The following SPI1 variants were observed in gnomAD, a reference collection of about 807,000 sequenced individuals.
SPI1 encodes transcription factor PU.1.
A neutral mutation model predicts 30.7 loss-of-function variants in SPI1; 3 were observed. That is an observed-to-expected ratio of 0.10 (90% CI 0.04 to 0.25). SPI1 has a LOEUF of 0.25. Ranked by LOEUF, SPI1 falls within the 10% of genes least tolerant of loss-of-function variation. The probability of loss-of-function intolerance (pLI) is 1.00; values close to 1 mark genes in which losing one functional copy is unlikely to be tolerated. For missense variants in SPI1, 261 were observed against 371.5 expected, an observed-to-expected ratio of 0.70 and a Z score of 2.45; for synonymous variants, 169 against 157.1, an observed-to-expected ratio of 1.08 and a Z score of -0.56.
At chr11:47,377,562 T>A (rs958833611) in intron 1 of SPI1, among the ~76,000 whole-genome samples, 1 of 151,926 alleles carries the variant, frequency 6.6e-6, no homozygotes, top group Non-Finnish European at 1.5e-5. Context: ...CCTGTCCTTG[T>A]CCCAGCCTCA....
intron 2 of SPI1, among the ~76,000 whole-genome samples, chr11:47,368,662 G>C (rs1329510188): frequency 6.6e-6 from 1 of 152,194 alleles, no homozygotes; most frequent in African/African-American, 2.4e-5. Context: ...CTAAATGAAG[G>C]CATAAAAGAA....
intron 4 of SPI1, 76 bp downstream of exon 4, chr11:47,358,768 A>T (rs1595856686): frequency 7.0e-7 from 1 of 1,435,090 alleles, no homozygotes; most frequent in African/African-American, 1.4e-5. Flanking sequence ...CTGCTGGGTC[A>T]GTTGGCCTGG....
intron 2 of SPI1, among the ~76,000 whole-genome samples, chr11:47,367,995 C>T (rs1370787106): frequency 2.6e-5 from 4 of 151,954 alleles, no homozygotes; most frequent in East Asian, 1.9e-4. Flanking sequence ...CCTTGTGATC[C>T]GCCTGCCTCA....
At chr11:47,356,829 G>C (rs369181021) in intron 4 of SPI1, among the ~76,000 whole-genome samples, 4 of 141,270 alleles carry the variant, frequency 2.8e-5, no homozygotes, top group African/African-American at 1.1e-4. Context: ...CACATCTCAC[G>C]TTACTCAGCC....
At position 47,375,795 on chromosome 11, in the gene SPI1, C is replaced by T. The variant is rs1471518133; in HGVS notation, c.46-66G>A. ...AGACCCCAGCCAGGCCTGCAGCACCCCCGCACGCTGGGTCCCCATCACCTT... is the reference window on the plus strand; with the variant it reads ...AGACCCCAGCCAGGCCTGCAGCACCTCCGCACGCTGGGTCCCCATCACCTT... On this transcript the variant is annotated intron_variant, in intron 1 of 4. Transcript: ENST00000378538. This position sits in a 1 kb window ranked among gnomAD's most constrained non-coding sequence, Gnocchi z 4.2. The T allele has an allele frequency of 2.4e-5, 32 of 1,307,652 alleles. No individual in the cohort carries two copies. Among genetic ancestry groups the T allele is most frequent in the Non-Finnish European group, 3.4e-5 (31 of 902,798 alleles). The allele number at this position is 1,307,652 out of a possible 1,614,324, so 81.0% of individuals were successfully genotyped here.
Position 47,359,858 on chromosome 11 carries a change from G to T in SPI1, c.325C>A (p.His109Asn). 1 of 1,604,862 alleles carries T rather than the reference G, an allele frequency of 6.2e-7. No individual in the cohort carries two copies. ...PMVPPHPSLG[H>N]QVSYLPRMCL... ...GGGCAGGCGGTGGCATGCACCTGGTGGCCAAGACTGGGATGGGGTGGCACC... is the reference window on the plus strand; with the variant it reads ...GGGCAGGCGGTGGCATGCACCTGGTTGCCAAGACTGGGATGGGGTGGCACC... The change falls in exon 3 of 5, where the codon CAC becomes AAC. Residue 109 changes from histidine to asparagine, a missense_variant. Physicochemically the swap from His to Asn is moderately conservative, Grantham distance 68. Coordinates refer to ENST00000378538, the MANE Select transcript of SPI1 (RefSeq NM_003120.3). The surrounding 1 kb of genome is among the most constrained non-coding windows in gnomAD (Gnocchi z 5.1).
At position 47,374,050 on chromosome 11, in the gene SPI1, A is replaced by C. The variant is rs1484272417; in HGVS notation, c.142+1583T>G. Among the ~76,000 whole-genome samples the C allele has an allele frequency of 6.6e-6, 1 of 152,174 alleles. No homozygotes were observed. The highest frequency in any genetic ancestry group is 1.9e-4 in the East Asian group (1 of 5,190). ...GCCAGGGAGAATGCGTCCTTGTTGG[A>C]GGAGGCCTGACAGCACTGTCTGTGG... On this transcript the variant is annotated intron_variant, in intron 2 of 4. Coordinates refer to ENST00000378538, the MANE Select transcript of SPI1 (RefSeq NM_003120.3). This position sits in a 1 kb window ranked among gnomAD's most constrained non-coding sequence, Gnocchi z 4.5.
chr11:47,358,803 C>A (rs1281991770), intron 4 of SPI1, 41 bp downstream of exon 4: 4 of 1,543,412 alleles, frequency 2.6e-6, no homozygotes, highest in Admixed American at 3.9e-5. Flanking sequence ...GGCACAGACA[C>A]GGCCAGGGTC....
chr11:47,355,768 G>A (rs1323228141), intron 4 of SPI1, among the ~76,000 whole-genome samples: 3 of 118,550 alleles, frequency 2.5e-5, no homozygotes, highest in Non-Finnish European at 5.3e-5. Flanking sequence ...TCACACCCAC[G>A]CACTCACCCC....
At chr11:47,355,662 G>T in intron 4 of SPI1, 116 bp from the exon 5 acceptor site, 2 of 859,316 alleles carry the variant, frequency 2.3e-6, no homozygotes, top group South Asian at 1.8e-5. Context: ...GCAGGGGAAC[G>T]GCTGCCCCAG....
At chr11:47,377,226 G>A (rs189634524) in intron 1 of SPI1, among the ~76,000 whole-genome samples, 61 of 152,310 alleles carry the variant, frequency 4.0e-4, no homozygotes, top group Non-Finnish European at 7.1e-4. Context: ...GGCTCTGGTC[G>A]GGTTGGTGTG....
At chr11:47,378,168 G>T in intron 1 of SPI1, 141 bp downstream of exon 1, 1 of 919,450 alleles carries the variant, frequency 1.1e-6, no homozygotes, top group East Asian at 2.6e-5. Context: ...TGGGTCTCAG[G>T]CCAGGAGTTC....
chr11:47,360,749 C>T (rs1277737244), intron 2 of SPI1, among the ~76,000 whole-genome samples: 3 of 150,582 alleles, frequency 2.0e-5, no homozygotes, highest in Non-Finnish European at 3.0e-5. Context: ...CGCTTGAACC[C>T]GAGAGGTGGA....
chr11:47,359,838 G>A lies in SPI1; in HGVS notation c.330+15C>T. ...TGGCAGTCTCCTGGGGGACGGGGCA[G>A]GCGGTGGCATGCACCTGGTGGCCAA... On this transcript the variant is annotated intron_variant, in intron 3 of 4. Coordinates refer to ENST00000378538, the MANE Select transcript of SPI1 (RefSeq NM_003120.3). The surrounding 1 kb of genome is among the most constrained non-coding windows in gnomAD (Gnocchi z 5.1). 6.2e-7 allele frequency: 1 copy of A among 1,601,696 alleles called. No individual in the cohort carries two copies. The highest frequency in any genetic ancestry group is 8.5e-7 in the Non-Finnish European group (1 of 1,179,506).
At chr11:47,371,847 C>T (rs1322990406) in intron 2 of SPI1, among the ~76,000 whole-genome samples, 1 of 152,162 alleles carries the variant, frequency 6.6e-6, no homozygotes, top group Admixed American at 6.5e-5. Context: ...GCAGCTGACC[C>T]CTTTGGCTTC....
chr11:47,368,220 C>G (rs140541052), intron 2 of SPI1, among the ~76,000 whole-genome samples: 1,622 of 152,172 alleles, frequency 0.011, 19 homozygotes, highest in Middle Eastern at 0.024. Flanking sequence ...CAAAAATTAC[C>G]CGGGCATAGT....
At chr11:47,357,061 TCA>T (rs971826262) in intron 4 of SPI1, among the ~76,000 whole-genome samples, 1 of 150,476 alleles carries the variant, frequency 6.6e-6, no homozygotes, top group African/African-American at 2.5e-5. Context: ...AAACTCATGC[TCA>T]CACACATGCT....
chr11:47,358,741 G>A (rs985810906), intron 4 of SPI1, 103 bp downstream of exon 4: 34 of 1,147,520 alleles, frequency 3.0e-5, no homozygotes, highest in Admixed American at 4.0e-5. Flanking sequence ...ACACACACAC[G>A]CGACTCGGTG....
intron 2 of SPI1, 68 bp from the exon 3 acceptor site, chr11:47,360,108 A>G (rs1256139804): frequency 1.5e-6 from 2 of 1,317,230 alleles, no homozygotes; most frequent in Non-Finnish European, 1.0e-6. Flanking sequence ...GGTTATAGTA[A>G]CATTAAATAA....
Sources: gnomAD v4.1 joint callset for allele counts (sites outside exome capture counted in the v4.1 genomes callset) on GRCh38, gnomAD v4.1.1 for gene constraint, Gnocchi (gnomAD v3.1) non-coding constraint, MANE v1.5 for transcripts, NCBI Gene and HGNC (gene_info 2026-07-23, HGNC 2026-07-21) for gene names.